Variants in UNC5C observed in about 807,000 individuals in gnomAD.
UNC5C encodes the protein netrin receptor UNC5C.
Under a neutral mutation model 99.8 loss-of-function variants are expected in UNC5C, and 47 were observed. The ratio of observed to expected loss-of-function variants is 0.47; its 90% CI spans 0.37 to 0.60. The LOEUF is 0.60. Ranked by LOEUF, UNC5C falls within the 20% of genes least tolerant of loss-of-function variation. The pLI is 0.00. For missense variants in UNC5C, 1,062 were observed against 1,165.9 expected, an observed-to-expected ratio of 0.91 and a Z score of 1.30; for synonymous variants, 487 against 452.2, an observed-to-expected ratio of 1.08 and a Z score of -0.98.
At chr4:95,457,815 A>T (rs1560840175) in intron 1 of UNC5C, among the ~76,000 whole-genome samples, 1 of 152,166 alleles carries the variant, frequency 6.6e-6, no homozygotes, top group Non-Finnish European at 1.5e-5. Flanking sequence ...TTACAACACA[A>T]GAAACTGAAT....
chr4:95,491,170 T>A (rs554571158), intron 1 of UNC5C, among the ~76,000 whole-genome samples: 1 of 151,580 alleles, frequency 6.6e-6, no homozygotes, highest in East Asian at 2.0e-4. Flanking sequence ...ATATGAGAAC[T>A]TTGCATGACA....
chr4:95,427,809 G>T (rs895908681), intron 1 of UNC5C, among the ~76,000 whole-genome samples: 2 of 151,956 alleles, frequency 1.3e-5, no homozygotes, highest in Non-Finnish European at 2.9e-5. Flanking sequence ...AGGTATGTTC[G>T]TATTTGCTTC....
intron 1 of UNC5C, among the ~76,000 whole-genome samples, chr4:95,498,220 A>T (rs538973946): frequency 6.6e-6 from 1 of 152,134 alleles, no homozygotes; most frequent in Non-Finnish European, 1.5e-5. Flanking sequence ...AGGTAACAAT[A>T]TTTTGAATAA....
intron 1 of UNC5C, among the ~76,000 whole-genome samples, chr4:95,476,186 T>TC (rs970158837): frequency 1.3e-5 from 2 of 152,100 alleles, no homozygotes; most frequent in African/African-American, 2.4e-5. Flanking sequence ...TGAGAGAACT[T>TC]CCCTCTGGGC....
chr4:95,355,129 T>G (rs1414911548), intron 1 of UNC5C, among the ~76,000 whole-genome samples: 1 of 152,162 alleles, frequency 6.6e-6, no homozygotes, highest in African/African-American at 2.4e-5. Flanking sequence ...GTTTTAAATA[T>G]GAGTACTGCT....
chr4:95,509,948 G>C (rs528672728), intron 1 of UNC5C, among the ~76,000 whole-genome samples: 7 of 151,870 alleles, frequency 4.6e-5, no homozygotes, highest in Admixed American at 3.3e-4. Context: ...TTGTTAGATA[G>C]ATTCTGTTTT....
chr4:95,433,590 C>A (rs1178214523), intron 1 of UNC5C, among the ~76,000 whole-genome samples: 4 of 152,046 alleles, frequency 2.6e-5, no homozygotes, highest in Non-Finnish European at 1.5e-5. Flanking sequence ...CTTTTTGATG[C>A]ATTTCAATGT....
At chr4:95,491,312 T>C (rs1721484777) in intron 1 of UNC5C, among the ~76,000 whole-genome samples, 2 of 151,660 alleles carry the variant, frequency 1.3e-5, no homozygotes. Context: ...CAATATTTTG[T>C]AAAAGTGATC....
chr4:95,281,647 G>A (rs1023443725), intron 3 of UNC5C, among the ~76,000 whole-genome samples: 2 of 152,196 alleles, frequency 1.3e-5, no homozygotes, highest in African/African-American at 2.4e-5. Context: ...AGAAGGCAAG[G>A]ATAATGTTAT....
chr4:95,544,818 C>T (rs1395961911), intron 1 of UNC5C, among the ~76,000 whole-genome samples: 2 of 152,228 alleles, frequency 1.3e-5, no homozygotes, highest in African/African-American at 4.8e-5. Flanking sequence ...GGCTCAATCT[C>T]AACCCCCACA....
chr4:95,486,470 C>T lies in UNC5C; in HGVS notation c.124+62264G>A, dbSNP rs76699368. Among the ~76,000 whole-genome samples the T allele has an allele frequency of 6.5e-3, 985 of 151,662 alleles. 14 individuals are homozygous for T. Among genetic ancestry groups the T allele is most frequent in the African/African-American group, 0.022 (931 of 41,458 alleles). ...CTGTCACTGACATAGTTCAGGTTCT[C>T]ATTATCCTACACTTGACACACTGGT... On this transcript the variant is annotated intron_variant, in intron 1 of 15. Transcript: ENST00000453304.
rs548037371 is a variant in UNC5C at position 95,251,285 on chromosome 4, AT to A, written c.595-619del. ...ATAGTTGGAGATGTATCTAAGCCAA[AT>A]TTTTTTTTAAGTTTTTCTACCAATT... On this transcript the variant is annotated intron_variant, in intron 4 of 15. Coordinates refer to ENST00000453304, the MANE Select transcript of UNC5C (RefSeq NM_003728.4). Among the ~76,000 whole-genome samples, 76 of 151,840 alleles carry A rather than the reference AT, an allele frequency of 5.0e-4. 1 individual carries two copies. The highest frequency in any genetic ancestry group is 4.7e-4 in the Non-Finnish European group (32 of 67,910).
chr4:95,317,474 T>C (rs1742520846), intron 2 of UNC5C, among the ~76,000 whole-genome samples: 1 of 138,948 alleles, frequency 7.2e-6, no homozygotes, highest in African/African-American at 3.4e-5. Flanking sequence ...GTAAAGGAAA[T>C]TATAAAGTGA....
At chr4:95,513,664 A>C (rs1404768830) in intron 1 of UNC5C, among the ~76,000 whole-genome samples, 3 of 152,176 alleles carry the variant, frequency 2.0e-5, no homozygotes, top group Non-Finnish European at 4.4e-5. Flanking sequence ...GATAGATCAC[A>C]TCAAATTTAA....
chr4:95,528,627 C>T (rs1384009019), intron 1 of UNC5C, among the ~76,000 whole-genome samples: 1 of 152,218 alleles, frequency 6.6e-6, no homozygotes, highest in South Asian at 2.1e-4. Context: ...TGTAATAAAA[C>T]AGCTAAATTT....
intron 5 of UNC5C, among the ~76,000 whole-genome samples, chr4:95,250,142 C>T (rs1206254707): frequency 6.6e-6 from 1 of 152,128 alleles, no homozygotes; most frequent in African/African-American, 2.4e-5. Flanking sequence ...TGAGCCTATC[C>T]TTTCATATCA....
chr4:95,411,222 A>G (rs1458250740), intron 1 of UNC5C, among the ~76,000 whole-genome samples: 1 of 152,190 alleles, frequency 6.6e-6, no homozygotes, highest in Admixed American at 6.5e-5. Flanking sequence ...TGAGTATACT[A>G]TCATAACTTT....
At chr4:95,304,757 G>T (rs1311511426) in intron 2 of UNC5C, among the ~76,000 whole-genome samples, 1 of 152,132 alleles carries the variant, frequency 6.6e-6, no homozygotes, top group Admixed American at 6.6e-5. Context: ...AACTATAATG[G>T]TTCTTTATAC....
chr4:95,486,656 G>T (rs1195479190), intron 1 of UNC5C, among the ~76,000 whole-genome samples: 1 of 151,564 alleles, frequency 6.6e-6, no homozygotes, highest in Non-Finnish European at 1.5e-5. Context: ...CTGATGGCTT[G>T]AGTTACCCTC....
Sources: gnomAD v4.1 joint callset for allele counts (sites outside exome capture counted in the v4.1 genomes callset) on GRCh38, gnomAD v4.1.1 for gene constraint, MANE v1.5 for transcripts, NCBI Gene and HGNC (gene_info 2026-07-23, HGNC 2026-07-21) for gene names.